The following TNFSF11 variants were observed in gnomAD, a reference collection of about 807,000 sequenced individuals.
TNFSF11 encodes the protein tumor necrosis factor ligand superfamily member 11.
A neutral mutation model predicts 32.2 loss-of-function variants in TNFSF11; 12 were observed. The ratio of observed to expected loss-of-function variants is 0.37; its 90% CI spans 0.24 to 0.60. The LOEUF (loss-of-function observed/expected upper bound fraction) is 0.60, where lower values mean the gene tolerates loss of function less well. Ranked by LOEUF, TNFSF11 falls within the 20% of genes least tolerant of loss-of-function variation. TNFSF11 has a pLI of 0.66. For synonymous variants in TNFSF11, 172 were observed against 152.1 expected, an observed-to-expected ratio of 1.13 and a Z score of -0.96; for missense variants, 345 against 398.0, an observed-to-expected ratio of 0.87 and a Z score of 1.13.
intron 1 of TNFSF11, among the ~76,000 whole-genome samples, chr13:42,578,156 T>A (rs1411871761): frequency 6.6e-6 from 1 of 152,280 alleles, no homozygotes; most frequent in Non-Finnish European, 1.5e-5. Flanking sequence ...TGCCCATTTC[T>A]GATTGTAATA....
chr13:42,583,417 T>TAAAA (rs71747752), intron 2 of TNFSF11, among the ~76,000 whole-genome samples: 1 of 24,636 alleles, frequency 4.1e-5, no homozygotes, highest in African/African-American at 1.9e-4. Context: ...AAGACCCTGC[T>TAAAA]AAAAAAAAAA....
chr13:42,590,081 G>C (rs901444600), intron 2 of TNFSF11, among the ~76,000 whole-genome samples: 1 of 152,228 alleles, frequency 6.6e-6, no homozygotes. Flanking sequence ...TGGCTCACTT[G>C]AATGTGAGCT....
intron 2 of TNFSF11, among the ~76,000 whole-genome samples, chr13:42,591,249 T>G (rs928060425): frequency 6.6e-6 from 1 of 152,088 alleles, no homozygotes; most frequent in African/African-American, 2.4e-5. Flanking sequence ...AAATAAAGAA[T>G]TATAGGGATC....
chr13:42,576,235 T>A (rs1258850963), intron 1 of TNFSF11, among the ~76,000 whole-genome samples: 1 of 152,190 alleles, frequency 6.6e-6, no homozygotes, highest in Non-Finnish European at 1.5e-5. Context: ...GAAGGAGTTC[T>A]AGGAACCATG....
At chr13:42,604,996 G>A (rs147151402) in intron 4 of TNFSF11, among the ~76,000 whole-genome samples, 183 of 152,208 alleles carry the variant, frequency 1.2e-3, no homozygotes, top group African/African-American at 4.2e-3. Flanking sequence ...TGTTGACCAG[G>A]CTGGTCTCGA....
At chr13:42,585,637 A>C (rs1050691448) in intron 2 of TNFSF11, among the ~76,000 whole-genome samples, 3 of 152,230 alleles carry the variant, frequency 2.0e-5, no homozygotes, top group African/African-American at 7.2e-5. Context: ...CAGTTTTGGC[A>C]GCCTCCCTGC....
At chr13:42,575,664 C>T (rs1245655211) in intron 1 of TNFSF11, among the ~76,000 whole-genome samples, 2 of 152,112 alleles carry the variant, frequency 1.3e-5, no homozygotes, top group African/African-American at 4.8e-5. Context: ...ATTCATTATC[C>T]GCTAGTTTGC....
intron 2 of TNFSF11, among the ~76,000 whole-genome samples, chr13:42,587,416 A>G (rs1485208605): frequency 2.0e-5 from 3 of 152,252 alleles, no homozygotes; most frequent in African/African-American, 7.2e-5. Flanking sequence ...AGTCTCTGAC[A>G]TTCACTAAAC....
chr13:42,603,782 C>A (rs916328317), intron 4 of TNFSF11, among the ~76,000 whole-genome samples: 4 of 152,124 alleles, frequency 2.6e-5, no homozygotes, highest in Admixed American at 2.6e-4. Flanking sequence ...TGCTCATTTT[C>A]TATTTTCTCT....
At chr13:42,594,290 C>T (rs1868664503) in intron 2 of TNFSF11, among the ~76,000 whole-genome samples, 1 of 151,908 alleles carries the variant, frequency 6.6e-6, no homozygotes, top group South Asian at 2.1e-4. Flanking sequence ...CTGTATTGGC[C>T]AGGCTGGTCT....
intron 4 of TNFSF11, among the ~76,000 whole-genome samples, chr13:42,601,845 C>T (rs568806464): frequency 6.6e-6 from 1 of 152,304 alleles, no homozygotes; most frequent in South Asian, 2.1e-4. Flanking sequence ...TACTGCAATC[C>T]TGCAAGGTAG....
At chr13:42,602,769 C>A (rs1224561799) in intron 4 of TNFSF11, among the ~76,000 whole-genome samples, 1 of 152,242 alleles carries the variant, frequency 6.6e-6, no homozygotes, top group Non-Finnish European at 1.5e-5. Flanking sequence ...ACTAATGCAT[C>A]AGCTGTGTGT....
chr13:42,569,905 C>G (rs1040202891), upstream of TNFSF11, among the ~76,000 whole-genome samples: 5 of 151,982 alleles, frequency 3.3e-5, no homozygotes, highest in African/African-American at 1.2e-4. Flanking sequence ...AACAGTGGCA[C>G]TTTTCTCCCT....
chr13:42,583,809 G>T (rs952930491), intron 2 of TNFSF11, among the ~76,000 whole-genome samples: 4 of 151,986 alleles, frequency 2.6e-5, no homozygotes, highest in Non-Finnish European at 5.9e-5. Flanking sequence ...TGTTCTGAAG[G>T]TGCCAGCTAA....
chr13:42,568,853 G>A (rs538348327), intron 2 of TNFSF11, among the ~76,000 whole-genome samples: 1 of 152,292 alleles, frequency 6.6e-6, no homozygotes, highest in South Asian at 2.1e-4. Context: ...ATGAGGGGCT[G>A]CATATATATT....
intron 4 of TNFSF11, 53 bp from the exon 5 acceptor site, chr13:42,606,444 G>A (rs550493548): frequency 2.6e-5 from 41 of 1,606,896 alleles, no homozygotes; most frequent in South Asian, 5.5e-5. Flanking sequence ...TTGTGAAGAC[G>A]TCCTTCTCAT....
In TNFSF11 at chr13:42,607,032, G is replaced by T; in HGVS notation, c.*114G>T. 6 of 1,310,646 alleles carry T rather than the reference G, an allele frequency of 4.6e-6. No homozygotes were observed. The highest frequency in any genetic ancestry group is 6.5e-6 in the Non-Finnish European group (6 of 928,062). 81.2% of individuals were successfully genotyped at this position (1,310,646 alleles called of 1,614,324 possible). A position where few individuals can be genotyped will look rare whatever the true frequency, so the allele number is the denominator to read the frequency against. On this transcript the variant is annotated 3_prime_UTR_variant, in exon 5 of 5. Transcript: ENST00000398795. ...ACTACTAAGAGGCATGGCCCCAACG[G>T]TACACGACTCAGTATCCATGCTCTT...
intron 4 of TNFSF11, among the ~76,000 whole-genome samples, chr13:42,604,191 G>A (rs1379260100): frequency 1.3e-5 from 2 of 152,180 alleles, no homozygotes; most frequent in African/African-American, 4.8e-5. Context: ...GCAAGAGTGG[G>A]ATAAGAATGA....
chr13:42,584,512 T>C (rs1464484886), intron 2 of TNFSF11, among the ~76,000 whole-genome samples: 1 of 152,208 alleles, frequency 6.6e-6, no homozygotes, highest in African/African-American at 2.4e-5. Flanking sequence ...CCCACTTCGT[T>C]TGCGATTTCT....
Sources: gnomAD v4.1 joint callset for allele counts (sites outside exome capture counted in the v4.1 genomes callset) on GRCh38, gnomAD v4.1.1 for gene constraint, MANE v1.5 for transcripts, NCBI Gene and HGNC (gene_info 2026-07-23, HGNC 2026-07-21) for gene names.